CCNY: variants seen among roughly 807,000 people sequenced by gnomAD.
CCNY encodes cyclin Y, also known as cyclin-Y.
In CCNY, 19 loss-of-function variants were observed where a neutral mutation model predicts 42.8. The observed-to-expected ratio is 0.44, with a 90% CI of 0.31 to 0.65. CCNY has a LOEUF of 0.65. Among genes scored for constraint, CCNY ranks in the 30% least tolerant of loss-of-function variants. The pLI, the probability that CCNY is intolerant of heterozygous loss-of-function variation, is 0.07. For synonymous variants in CCNY, 165 were observed against 162.7 expected, an observed-to-expected ratio of 1.01 and a Z score of -0.11; for missense variants, 370 against 437.3, an observed-to-expected ratio of 0.85 and a Z score of 1.37.
At chr10:35,329,962 CG>C (rs1437206770) in intron 3 of CCNY, among the ~76,000 whole-genome samples, 1 of 152,124 alleles carries the variant, frequency 6.6e-6, no homozygotes, top group African/African-American at 2.4e-5. Context: ...AGCTGCAGTG[CG>C]TTTTGAGTTC....
In CCNY at chr10:35,253,414, A is replaced by AATTTTTTTTTTTTTTTTTTTTTT. The variant is rs775450185; in HGVS notation, c.-9+2788_-9+2789insATTTTTTTTTTTTTTTTTTTTTT. Among the ~76,000 whole-genome samples the AATTTTTTTTTTTTTTTTTTTTTT allele has an allele frequency of 3.4e-5, 3 of 89,036 alleles. 1 individual carries two copies. The highest frequency in any genetic ancestry group is 9.5e-5 in the African/African-American group (2 of 21,142). The allele number at this position is 89,036 out of a possible 152,430, so 58.4% of individuals were successfully genotyped here. A position where few individuals can be genotyped will look rare whatever the true frequency, so the allele number is the denominator to read the frequency against. ...ACAGGCATGCACCAGCATGCTCACT[A>AATTTTTTTTTTTTTTTTTTTTTT]TTTTTTTTTTTTTTTTTTTTTTTTT... On this transcript the variant is annotated intron_variant, in intron 3 of 11. Transcript: ENST00000374706.
rs1841643966 is a variant in CCNY at position 35,569,518 on chromosome 10, T to C, written c.*348T>C. ...GTCCCCATGGGGGCGGTAGCTGAAG[T>C]TGGCGAGCGCAGCGGTGGATGCAGA... On this transcript the variant is annotated 3_prime_UTR_variant, in exon 10 of 10. Coordinates refer to ENST00000374704, the MANE Select transcript of CCNY (RefSeq NM_145012.6). 8 of 309,092 alleles carry C rather than the reference T, an allele frequency of 2.6e-5. No homozygotes were observed. In the South Asian group the frequency reaches 3.2e-4, roughly 12 times the overall value. 19.1% of individuals were successfully genotyped at this position (309,092 alleles called of 1,614,324 possible).
At chr10:35,275,488 G>T (rs530417422) in intron 3 of CCNY, among the ~76,000 whole-genome samples, 18 of 151,350 alleles carry the variant, frequency 1.2e-4, no homozygotes, top group African/African-American at 3.4e-4. Context: ...AGTCGGCTGG[G>T]CGCGGTGGCT....
intron 3 of CCNY, among the ~76,000 whole-genome samples, chr10:35,319,682 A>T (rs1233601001): frequency 1.3e-5 from 2 of 151,994 alleles, no homozygotes; most frequent in Non-Finnish European, 1.5e-5. Flanking sequence ...GAGACCAGCC[A>T]GGCCAACATA....
intron 3 of CCNY, among the ~76,000 whole-genome samples, chr10:35,291,169 C>A (rs2135063260): frequency 6.6e-6 from 1 of 152,168 alleles, no homozygotes; most frequent in Middle Eastern, 3.4e-3. Context: ...CCACGCCCAG[C>A]TAATTTTTTG....
intron 1 of CCNY, among the ~76,000 whole-genome samples, chr10:35,450,702 T>TC (rs932588387): frequency 6.6e-5 from 10 of 152,128 alleles, no homozygotes; most frequent in African/African-American, 2.4e-4. Flanking sequence ...TTTTCTTTTT[T>TC]TTTTTTCTTT....
chr10:35,340,982 G>A (rs1159735050), intron 1 of CCNY, among the ~76,000 whole-genome samples: 1 of 152,074 alleles, frequency 6.6e-6, no homozygotes, highest in Non-Finnish European at 1.5e-5. Flanking sequence ...ATCTCCCCCA[G>A]CCCACCTGGT....
At chr10:35,387,001 G>T (rs1837313550) in intron 1 of CCNY, among the ~76,000 whole-genome samples, 1 of 152,102 alleles carries the variant, frequency 6.6e-6, no homozygotes, top group Non-Finnish European at 1.5e-5. Flanking sequence ...ATTTCCTGCT[G>T]TTGGGCCAAA....
chr10:35,494,643 T>C (rs1238999712), intron 2 of CCNY, among the ~76,000 whole-genome samples: 2 of 152,142 alleles, frequency 1.3e-5, no homozygotes, highest in Non-Finnish European at 2.9e-5. Flanking sequence ...GATGGAAATA[T>C]CACAATCTAT....
intron 1 of CCNY, among the ~76,000 whole-genome samples, chr10:35,469,148 G>T (rs1337020497): frequency 6.6e-6 from 1 of 152,230 alleles, no homozygotes; most frequent in Non-Finnish European, 1.5e-5. Context: ...CCCAAGACCA[G>T]CTCACACAAC....
chr10:35,356,596 C>T (rs1031956313), intron 1 of CCNY, among the ~76,000 whole-genome samples: 1 of 152,056 alleles, frequency 6.6e-6, no homozygotes, highest in African/African-American at 2.4e-5. Flanking sequence ...AAATCTGCGC[C>T]CACTCCTTAA....
chr10:35,392,306 GT>G (rs1837431172), intron 1 of CCNY, among the ~76,000 whole-genome samples: 1 of 152,200 alleles, frequency 6.6e-6, no homozygotes, highest in African/African-American at 2.4e-5. Flanking sequence ...CCTCCATGAA[GT>G]TGAGAACATA....
intron 9 of CCNY, among the ~76,000 whole-genome samples, chr10:35,567,199 T>A (rs191903798): frequency 1.3e-5 from 2 of 152,260 alleles, no homozygotes; most frequent in Non-Finnish European, 2.9e-5. Flanking sequence ...TTCTGCTTTT[T>A]ATTTTTTTTC....
chr10:35,484,064 C>A (rs1282249939), intron 2 of CCNY, among the ~76,000 whole-genome samples: 1 of 152,190 alleles, frequency 6.6e-6, no homozygotes, highest in East Asian at 1.9e-4. Flanking sequence ...TTTCAGCCCC[C>A]TCCCTGGGCA....
At chr10:35,436,477 A>G (rs1838535403) in intron 1 of CCNY, among the ~76,000 whole-genome samples, 1 of 152,158 alleles carries the variant, frequency 6.6e-6, no homozygotes, top group African/African-American at 2.4e-5. Flanking sequence ...CTGACAGTGT[A>G]GGACCTGGTT....
chr10:35,355,376 A>G (rs1836521610), intron 1 of CCNY, among the ~76,000 whole-genome samples: 1 of 152,100 alleles, frequency 6.6e-6, no homozygotes, highest in African/African-American at 2.4e-5. Context: ...GTTAGGAAAC[A>G]CTTTTAAAAA....
chr10:35,322,935 T>A (rs75805231), intron 3 of CCNY, among the ~76,000 whole-genome samples: 4 of 152,180 alleles, frequency 2.6e-5, no homozygotes, highest in Non-Finnish European at 5.9e-5. Context: ...GGCCATTTTT[T>A]ATTTTTTTTG....
intron 3 of CCNY, among the ~76,000 whole-genome samples, chr10:35,292,419 A>C (rs1835423586): frequency 6.6e-6 from 1 of 151,912 alleles, no homozygotes; most frequent in Admixed American, 6.6e-5. Context: ...GCTGGAGTGC[A>C]GTGGCACGAT....
intron 1 of CCNY, chr10:35,394,785 C>T: frequency 2.1e-6 from 2 of 956,202 alleles, no homozygotes; most frequent in Non-Finnish European, 2.5e-6. Context: ...TTTGAAGGGC[C>T]TTGGTGACCA....
Sources: gnomAD v4.1 joint callset for allele counts (sites outside exome capture counted in the v4.1 genomes callset) on GRCh38, gnomAD v4.1.1 for gene constraint, MANE v1.5 for transcripts, NCBI Gene and HGNC (gene_info 2026-07-23, HGNC 2026-07-21) for gene names.